ANO4: variants seen among roughly 807,000 people sequenced by gnomAD.
ANO4 encodes the protein anoctamin-4.
Under a neutral mutation model 141.9 loss-of-function variants are expected in ANO4, and 69 were observed. The ratio of observed to expected loss-of-function variants is 0.49; its 90% CI spans 0.40 to 0.59. ANO4 has a LOEUF of 0.59. Ranked by LOEUF, ANO4 falls within the 20% of genes least tolerant of loss-of-function variation. The probability of loss-of-function intolerance (pLI) is 0.00; values close to 1 mark genes in which losing one functional copy is unlikely to be tolerated. For synonymous variants in ANO4, 350 were observed against 394.3 expected (o/e 0.89, Z 1.33); for missense variants, 894 against 1,162.2 (o/e 0.77, Z 3.36).
At chr12:100,998,611 T>G (rs890394966) in intron 8 of ANO4, among the ~76,000 whole-genome samples, 4 of 152,184 alleles carry the variant, frequency 2.6e-5, no homozygotes, top group African/African-American at 9.7e-5. Flanking sequence ...GGTACACATC[T>G]CTATACGTCA....
At chr12:101,065,920 G>A (rs1290768702) in intron 14 of ANO4, among the ~76,000 whole-genome samples, 2 of 152,112 alleles carry the variant, frequency 1.3e-5, no homozygotes, top group Non-Finnish European at 2.9e-5. Flanking sequence ...ATTATAACCA[G>A]GTGGGATTTA....
At chr12:101,064,285 T>C (rs968874963) in intron 14 of ANO4, among the ~76,000 whole-genome samples, 4 of 152,224 alleles carry the variant, frequency 2.6e-5, no homozygotes, top group Non-Finnish European at 4.4e-5. Context: ...TGTAGAAGCG[T>C]ATTGTTTAAT....
chr12:101,051,271 G>A (rs1236255804), intron 14 of ANO4, among the ~76,000 whole-genome samples: 1 of 152,182 alleles, frequency 6.6e-6, no homozygotes, highest in Non-Finnish European at 1.5e-5. Context: ...TTCTGAGGTT[G>A]AAAGTGGGTG....
intron 3 of ANO4, among the ~76,000 whole-genome samples, chr12:100,775,241 A>G (rs1267512909): frequency 1.3e-5 from 2 of 152,212 alleles, no homozygotes; most frequent in Non-Finnish European, 2.9e-5. Context: ...TTATTTTTTC[A>G]TCCCCAAAGG....
At chr12:100,968,869 A>G (rs1423976286) in intron 5 of ANO4, among the ~76,000 whole-genome samples, 1 of 152,164 alleles carries the variant, frequency 6.6e-6, no homozygotes, top group Non-Finnish European at 1.5e-5. Context: ...TATGTTCTCT[A>G]TGGGCATCGC....
At chr12:100,925,497 G>A (rs547973262) in intron 3 of ANO4, among the ~76,000 whole-genome samples, 1 of 151,492 alleles carries the variant, frequency 6.6e-6, no homozygotes, top group Non-Finnish European at 1.5e-5. Flanking sequence ...TCCTGTCGGG[G>A]GGTGGGGGGC....
intron 13 of ANO4, among the ~76,000 whole-genome samples, chr12:101,047,210 T>C (rs1219317135): frequency 6.6e-6 from 1 of 152,026 alleles, no homozygotes; most frequent in South Asian, 2.1e-4. Flanking sequence ...GATTGCGCCA[T>C]TGCACTCCAG....
chr12:100,814,637 A>G (rs916219611), intron 1 of ANO4, among the ~76,000 whole-genome samples: 6 of 152,204 alleles, frequency 3.9e-5, no homozygotes, highest in African/African-American at 1.4e-4. Context: ...TAAGATCCCA[A>G]TGGCCAAGAA....
At chr12:100,783,065 C>G (rs952884383) in intron 3 of ANO4, among the ~76,000 whole-genome samples, 4 of 152,186 alleles carry the variant, frequency 2.6e-5, no homozygotes, top group African/African-American at 9.7e-5. Flanking sequence ...CCCTTCCTTC[C>G]TTCCTTCTCT....
chr12:101,059,460 G>A (rs957255586), intron 14 of ANO4, among the ~76,000 whole-genome samples: 4 of 152,136 alleles, frequency 2.6e-5, no homozygotes, highest in African/African-American at 9.7e-5. Flanking sequence ...TTTTACCTGT[G>A]GTAGAATTCA....
intron 16 of ANO4, among the ~76,000 whole-genome samples, chr12:101,085,921 T>C (rs974820901): frequency 6.6e-6 from 1 of 152,136 alleles, no homozygotes; most frequent in Non-Finnish European, 1.5e-5. Flanking sequence ...AAACAGATTG[T>C]TAGAAATTAT....
At chr12:101,003,707 G>T (rs949330258) in intron 8 of ANO4, among the ~76,000 whole-genome samples, 3 of 152,038 alleles carry the variant, frequency 2.0e-5, no homozygotes, top group East Asian at 3.9e-4. Flanking sequence ...AAGTTCTGGT[G>T]ATCTATTGTA....
At chr12:101,017,286 A>C (rs576815924) in intron 8 of ANO4, among the ~76,000 whole-genome samples, 109 of 152,160 alleles carry the variant, frequency 7.2e-4, no homozygotes, top group Non-Finnish European at 1.3e-3. Context: ...ATCAGATCTC[A>C]TGAGACTTAC....
At position 101,096,554 on chromosome 12, in the gene ANO4, C is replaced by CT; in HGVS notation, c.1758dup (p.Glu587Ter). The CT allele has an allele frequency of 6.2e-7, 1 of 1,613,468 alleles. No homozygotes were observed. The highest frequency in any genetic ancestry group is 8.5e-7 in the Non-Finnish European group (1 of 1,179,544). On this transcript the variant is annotated frameshift_variant, in exon 19 of 28. Coordinates refer to ENST00000392977, the MANE Select transcript of ANO4 (RefSeq NM_001286615.2). LOFTEE classifies it high-confidence loss of function. ...TCCACAGAACAGCCTCGCACAGAGT[C>CT]TGAGTGGGAGAACAGCTTCACCCTG...
intron 1 of ANO4, among the ~76,000 whole-genome samples, chr12:100,868,353 C>A (rs189248582): frequency 6.6e-6 from 1 of 152,112 alleles, no homozygotes; most frequent in Non-Finnish European, 1.5e-5. Context: ...TCCCAGCCCA[C>A]GAGAGTAGAA....
intron 1 of ANO4, among the ~76,000 whole-genome samples, chr12:100,862,737 T>A (rs2038548646): frequency 6.6e-6 from 1 of 152,194 alleles, no homozygotes; most frequent in Admixed American, 6.6e-5. Context: ...ATGTGAGTAA[T>A]GCATTGCCCT....
chr12:100,864,350 A>G lies in ANO4; in HGVS notation c.-140-37296A>G, dbSNP rs548234222. Reference sequence around the variant, plus strand: ...GAGGAAAGGCAGGCCCCCAAGAAAAATTAAGATTGCTGTTAGCAGAAAAAG... The same window carrying G: ...GAGGAAAGGCAGGCCCCCAAGAAAAGTTAAGATTGCTGTTAGCAGAAAAAG... On this transcript the variant is annotated intron_variant, in intron 1 of 27. Coordinates refer to ENST00000392977, the MANE Select transcript of ANO4 (RefSeq NM_001286615.2). Among the ~76,000 whole-genome samples the G allele has an allele frequency of 3.3e-5, 5 of 152,312 alleles. 1 individual carries two copies. The highest frequency in any genetic ancestry group is 1.2e-4 in the African/African-American group (5 of 41,570).
chr12:101,036,194 G>A (rs1206757399), intron 9 of ANO4, among the ~76,000 whole-genome samples: 7 of 151,974 alleles, frequency 4.6e-5, no homozygotes, highest in Admixed American at 4.6e-4. Context: ...TTATCAAAAA[G>A]TGGTAAGTGT....
At chr12:100,763,089 G>T (rs1228181441) in intron 3 of ANO4, among the ~76,000 whole-genome samples, 1 of 152,164 alleles carries the variant, frequency 6.6e-6, no homozygotes, top group East Asian at 1.9e-4. Context: ...GCGTTGTCTG[G>T]TTATAGTCAT....
Sources: gnomAD v4.1 joint callset for allele counts (sites outside exome capture counted in the v4.1 genomes callset) on GRCh38, gnomAD v4.1.1 for gene constraint, MANE v1.5 for transcripts, NCBI Gene and HGNC (gene_info 2026-07-23, HGNC 2026-07-21) for gene names.